PON3: variants seen among roughly 807,000 people sequenced by gnomAD.
PON3 encodes serum paraoxonase/lactonase 3.
PON3 carries 37 observed loss-of-function variants against 36.3 expected under a neutral mutation model. The ratio of observed to expected loss-of-function variants is 1.02; its 90% CI spans 0.78 to 1.34. PON3 has a LOEUF of 1.34. Ranked by LOEUF, PON3 falls within the 40% of genes most tolerant of loss-of-function variation. PON3 has a pLI of 0.00. For synonymous variants in PON3, 155 were observed against 154.8 expected, an observed-to-expected ratio of 1.00 and a Z score of -0.01; for missense variants, 415 against 426.5, an observed-to-expected ratio of 0.97 and a Z score of 0.24.
At chr7:95,368,720 C>T (rs1808748346) in intron 4 of PON3, among the ~76,000 whole-genome samples, 1 of 150,788 alleles carries the variant, frequency 6.6e-6, no homozygotes, top group Admixed American at 6.7e-5. Context: ...ATAAGATAAG[C>T]TGTGAATCAT....
chr7:95,367,614 T>A, intron 4 of PON3, 126 bp from the exon 5 acceptor site: 1 of 972,024 alleles, frequency 1.0e-6, no homozygotes, highest in Non-Finnish European at 1.6e-6. Flanking sequence ...CCTCACAGTC[T>A]ACATGATAGG....
chr7:95,371,506 G>T lies in PON3; in HGVS notation c.367+667C>A, dbSNP rs181829878. Among the ~76,000 whole-genome samples the T allele has an allele frequency of 2.6e-5, 4 of 152,256 alleles. No individual in the cohort carries two copies. The East Asian group carries it at 7.7e-4, about 29-fold the overall frequency. On this transcript the variant is annotated intron_variant, in intron 4 of 8. Transcript: ENST00000265627. ...TCACCATCCTAGTGGGTGTGAAATG[G>T]TATCTCATTCTGGTTTTGATTTGTA...
At chr7:95,386,598 T>C (rs1394969621) in intron 3 of PON3, among the ~76,000 whole-genome samples, 1 of 152,120 alleles carries the variant, frequency 6.6e-6, no homozygotes, top group Middle Eastern at 3.4e-3. Context: ...TTCCAATCAA[T>C]AGAAAAGAAG....
Position 95,394,636 on chromosome 7 carries a change from A to G in PON3, c.145+8T>C, listed in dbSNP as rs1443865954. On this transcript the variant is annotated splice_region_variant and intron_variant, in intron 2 of 8. Coordinates refer to ENST00000265627, the MANE Select transcript of PON3 (RefSeq NM_000940.3). ...TGCTGGCTCCTCTTGGTACTGTCAC[A>G]TACATACCAAGTTCCTCAATAAGGT... is the stretch of plus-strand genomic sequence containing the variant. The G allele has an allele frequency of 1.9e-6, 3 of 1,612,172 alleles. No homozygotes were observed. The highest frequency in any genetic ancestry group is 1.7e-5 in the Admixed American group (1 of 59,994).
At chr7:95,362,706 G>T in intron 7 of PON3, 54 bp downstream of exon 7, 1 of 1,480,298 alleles carries the variant, frequency 6.8e-7, no homozygotes, top group South Asian at 1.1e-5. Flanking sequence ...CCTGGGTCAA[G>T]TATGGGACTA....
intron 5 of PON3, among the ~76,000 whole-genome samples, chr7:95,366,347 G>A (rs915668483): frequency 2.0e-5 from 3 of 152,144 alleles, no homozygotes; most frequent in South Asian, 2.1e-4. Context: ...CCTGTTCTCC[G>A]CTATGGCCTC....
rs747055745 is a variant in PON3 at position 95,396,304 on chromosome 7, A to G, written c.47T>C (p.Leu16Ser). 1 of 1,613,936 alleles carries G rather than the reference A, an allele frequency of 6.2e-7. No homozygotes were observed. The highest frequency in any genetic ancestry group is 1.7e-5 in the Admixed American group (1 of 60,012). Residue 16 changes from leucine (L) to serine (S), a missense_variant, in exon 1 of 9, where the codon TTA becomes TCA. Coordinates refer to ENST00000265627, the MANE Select transcript of PON3 (RefSeq NM_000940.3). ...AAACGCCAGGAACATCTCCCCGACT[A>G]AGGACAGGCCGACCCCCAGCAGGAC... is the stretch of plus-strand genomic sequence containing the variant. ...ALVLLGVGLSLVGEMFLAFRE... is the reference protein window; with the variant it reads ...ALVLLGVGLSSVGEMFLAFRE...
chr7:95,377,772 G>C (rs979910493), intron 3 of PON3: 3 of 156,000 alleles, frequency 1.9e-5, no homozygotes, highest in African/African-American at 7.3e-5. Flanking sequence ...CCCATCTGTA[G>C]GTCACCAAAC....
intron 3 of PON3, among the ~76,000 whole-genome samples, chr7:95,381,974 T>A (rs572530634): frequency 2.0e-5 from 3 of 152,270 alleles, no homozygotes; most frequent in African/African-American, 4.8e-5. Context: ...TCAGCAAATG[T>A]AAAAGAACAG....
chr7:95,360,250 A>T (rs1808537455), intron 8 of PON3, 119 bp from the exon 9 acceptor site: 1 of 959,350 alleles, frequency 1.0e-6, no homozygotes, highest in Admixed American at 1.9e-5. Flanking sequence ...AAATCTGTAT[A>T]TCTTCAATAA....
At chr7:95,377,879 A>G (rs1193066410) in intron 3 of PON3, among the ~76,000 whole-genome samples, 2 of 152,222 alleles carry the variant, frequency 1.3e-5, no homozygotes. Context: ...CCTTGCCAGC[A>G]AAGAAACAAA....
intron 3 of PON3, among the ~76,000 whole-genome samples, chr7:95,387,277 C>A (rs1809216566): frequency 6.6e-6 from 1 of 152,198 alleles, no homozygotes; most frequent in South Asian, 2.1e-4. Context: ...TGATAAGCAA[C>A]TTCAGCAAAG....
rs144998907 is a variant in PON3 at position 95,373,655 on chromosome 7, T to C, written c.202-1317A>G. ...CCTTTGCCTTGGTCTAGCTCTTATATAGGGCAAGTCTAAAATCAGATTGAA... is the reference window on the plus strand; with the variant it reads ...CCTTTGCCTTGGTCTAGCTCTTATACAGGGCAAGTCTAAAATCAGATTGAA... On this transcript the variant is annotated intron_variant, in intron 3 of 8. Transcript: ENST00000265627. 9.8e-5 allele frequency among the ~76,000 whole-genome samples: 15 copies of C among 152,316 alleles called. 1 individual carries two copies. The East Asian group carries it at 2.9e-3, about 29-fold the overall frequency.
At position 95,367,377 on chromosome 7, in the gene PON3, T is replaced by TG; in HGVS notation, c.478dup (p.His160ProfsTer2). The TG allele has an allele frequency of 6.2e-7, 1 of 1,612,836 alleles. No individual in the cohort carries two copies. Among genetic ancestry groups the TG allele is most frequent in the Non-Finnish European group, 8.5e-7 (1 of 1,179,652 alleles). ...CATTCCATACCTTTTGAGAAGTTCA[T>TG]GTTTTATAGTTTTCAGGTATACCAG... On this transcript the variant is annotated frameshift_variant, in exon 5 of 9. Transcript: ENST00000265627. LOFTEE classifies it high-confidence loss of function.
At chr7:95,382,141 T>C (rs1025601529) in intron 3 of PON3, among the ~76,000 whole-genome samples, 1 of 152,162 alleles carries the variant, frequency 6.6e-6, no homozygotes, top group African/African-American at 2.4e-5. Flanking sequence ...ATAAAGATGT[T>C]CTTTGAAACC....
intron 4 of PON3, among the ~76,000 whole-genome samples, chr7:95,369,915 A>C (rs979662971): frequency 6.6e-6 from 1 of 152,234 alleles, no homozygotes; most frequent in African/African-American, 2.4e-5. Flanking sequence ...TGAGTCTTCA[A>C]TGATGACAAA....
chr7:95,364,500 T>C, intron 5 of PON3: 1 of 246,622 alleles, frequency 4.1e-6, no homozygotes, highest in South Asian at 5.3e-5. Context: ...ATGAGGTGAG[T>C]GGCTTGTGGA....
chr7:95,390,594 G>A (rs796330243), intron 2 of PON3, among the ~76,000 whole-genome samples: 9 of 152,272 alleles, frequency 5.9e-5, no homozygotes, highest in East Asian at 5.8e-4. Context: ...AGTCATAATC[G>A]TGAAGGTCTT....
chr7:95,395,445 G>T (rs1809407549), intron 1 of PON3, among the ~76,000 whole-genome samples: 1 of 151,866 alleles, frequency 6.6e-6, no homozygotes, highest in Non-Finnish European at 1.5e-5. Context: ...ATTATTTTAT[G>T]ATTCTCCATG....
Sources: gnomAD v4.1 joint callset for allele counts (sites outside exome capture counted in the v4.1 genomes callset) on GRCh38, gnomAD v4.1.1 for gene constraint, MANE v1.5 for transcripts, NCBI Gene and HGNC (gene_info 2026-07-23, HGNC 2026-07-21) for gene names.